Variants in PTBP2 observed in about 807,000 individuals in gnomAD.
PTBP2 encodes the protein polypyrimidine tract binding protein 2.
In PTBP2, 13 loss-of-function variants were observed where a neutral mutation model predicts 61.4. The ratio of observed to expected loss-of-function variants is 0.21; its 90% CI spans 0.14 to 0.34. The LOEUF (loss-of-function observed/expected upper bound fraction) is 0.34, where lower values mean the gene tolerates loss of function less well. Ranked by LOEUF, PTBP2 falls within the 10% of genes least tolerant of loss-of-function variation. The pLI, the probability that PTBP2 is intolerant of heterozygous loss-of-function variation, is 1.00. For missense variants in PTBP2, 405 were observed against 642.6 expected, an observed-to-expected ratio of 0.63 and a Z score of 4.00; for synonymous variants, 215 against 218.5, an observed-to-expected ratio of 0.98 and a Z score of 0.14.
chr1:96,808,298 A>G (rs1459597444), intron 11 of PTBP2, among the ~76,000 whole-genome samples: 2 of 152,112 alleles, frequency 1.3e-5, no homozygotes, highest in African/African-American at 2.4e-5. Flanking sequence ...GTTTTGAGAA[A>G]TAAAACTTTG....
At chr1:96,786,340 A>C (rs576113340) in intron 8 of PTBP2, among the ~76,000 whole-genome samples, 10 of 152,242 alleles carry the variant, frequency 6.6e-5, no homozygotes, top group African/African-American at 2.4e-4. Context: ...CTGACCCTTT[A>C]TTCGAATTTT....
downstream of PTBP2, chr1:96,815,341 C>T (rs1333780887): frequency 1.3e-5 from 2 of 152,024 alleles, no homozygotes; most frequent in Non-Finnish European, 2.9e-5. Flanking sequence ...ACAAAAAGAA[C>T]TTGATATTAC....
At chr1:96,767,550 T>C (rs762631824) in intron 3 of PTBP2, among the ~76,000 whole-genome samples, 2 of 152,140 alleles carry the variant, frequency 1.3e-5, no homozygotes, top group African/African-American at 2.4e-5. Flanking sequence ...GAACAAATTA[T>C]CAAGTTTCTG....
downstream of PTBP2, chr1:96,817,822 T>A (rs1662540277): frequency 6.6e-6 from 1 of 152,104 alleles, no homozygotes; most frequent in Admixed American, 6.6e-5. Context: ...AATTTCTTGT[T>A]TTGCCTAGTT....
At chr1:96,723,634 T>C in intron 2 of PTBP2, 40 bp downstream of exon 2, 2 of 1,523,810 alleles carry the variant, frequency 1.3e-6, no homozygotes. Context: ...TTGTTGGATC[T>C]ATTATCATAA....
intron 3 of PTBP2, among the ~76,000 whole-genome samples, chr1:96,764,290 G>GGTTCCTTCA (rs1485046661): frequency 6.6e-6 from 1 of 152,126 alleles, no homozygotes; most frequent in African/African-American, 2.4e-5. Context: ...CTAATGAATT[G>GGTTCCTTCA]GTTCCTTCAA....
rs149800406 is a variant in PTBP2, at chr1:96,734,341, T to C, written c.39+10747T>C. Among the ~76,000 whole-genome samples the C allele has an allele frequency of 5.8e-3, 876 of 152,290 alleles. 9 individuals carry two copies. The highest frequency in any genetic ancestry group is 0.02 in the African/African-American group (832 of 41,572). On this transcript the variant is annotated intron_variant, in intron 2 of 13. Transcript: ENST00000674951. ...TCTTTAAAGAATAGGGACTCTCCTC[T>C]CCTTTTTAAAATATAATCAAAAGAC...
intron 3 of PTBP2, among the ~76,000 whole-genome samples, chr1:96,766,247 A>G (rs1656689927): frequency 6.6e-6 from 1 of 152,250 alleles, no homozygotes; most frequent in Non-Finnish European, 1.5e-5. Context: ...AGGCTTTGAA[A>G]GAGTTGAATA....
At chr1:96,751,267 G>C in intron 2 of PTBP2, 158 bp from the exon 3 acceptor site, 1 of 699,226 alleles carries the variant, frequency 1.4e-6, no homozygotes, top group South Asian at 1.5e-5. Context: ...GAGAGGGATA[G>C]ATGGGAGAGT....
intron 2 of PTBP2, among the ~76,000 whole-genome samples, chr1:96,725,973 G>C (rs1039616218): frequency 2.0e-4 from 30 of 148,904 alleles, no homozygotes; most frequent in African/African-American, 6.4e-4. Context: ...TACTCGGGAG[G>C]CTGAGGCAGG....
intron 8 of PTBP2, among the ~76,000 whole-genome samples, chr1:96,787,119 C>A: frequency 6.6e-6 from 1 of 152,152 alleles, no homozygotes; most frequent in Non-Finnish European, 1.5e-5. Flanking sequence ...CTCCCGGGTT[C>A]AAGCGATTCT....
intron 11 of PTBP2, among the ~76,000 whole-genome samples, chr1:96,811,589 G>C (rs535414669): frequency 6.6e-6 from 1 of 152,130 alleles, no homozygotes; most frequent in Admixed American, 6.5e-5. Context: ...GCTAATTTTT[G>C]TATTTTTAGT....
chr1:96,819,491 TTC>T (rs373711187), downstream of PTBP2: 35 of 152,120 alleles, frequency 2.3e-4, 1 homozygote, highest in African/African-American at 6.3e-4. Context: ...CACTGTTTAT[TTC>T]TCTGTTTTTC....
exon 14 of PTBP2, chr1:96,820,145 T>A (rs1376437534): frequency 2.0e-5 from 3 of 152,100 alleles, no homozygotes; most frequent in Admixed American, 2.0e-4. Flanking sequence ...TATGTTCACT[T>A]ATAAGGATTA....
chr1:96,802,083 C>T (rs1224349497), intron 8 of PTBP2, among the ~76,000 whole-genome samples: 6 of 149,350 alleles, frequency 4.0e-5, no homozygotes, highest in African/African-American at 9.9e-5. Flanking sequence ...TGTTGGCGGG[C>T]GCCTGTAGTC....
chr1:96,759,263 A>C (rs1332838556), intron 3 of PTBP2, among the ~76,000 whole-genome samples: 1 of 152,230 alleles, frequency 6.6e-6, no homozygotes, highest in African/African-American at 2.4e-5. Flanking sequence ...TACATTCTAA[A>C]ATTTATGTGG....
chr1:96,791,547 G>A (rs1015379553), intron 8 of PTBP2, among the ~76,000 whole-genome samples: 6 of 152,070 alleles, frequency 3.9e-5, no homozygotes, highest in African/African-American at 1.4e-4. Context: ...TTGTGATGTA[G>A]GCCATTAAGT....
rs192724536 is a variant in PTBP2, at chr1:96,730,154, A to G, written c.39+6560A>G. 2.5e-3 allele frequency among the ~76,000 whole-genome samples: 382 copies of G among 152,136 alleles called. 4 individuals carry two copies. The highest frequency in any genetic ancestry group is 3.8e-3 in the Non-Finnish European group (261 of 67,984). ...GTCTGGATTGAAGTTTATTGATTTT[A>G]TTAATCTCCAAAATACCAGCTTTTG... On this transcript the variant is annotated intron_variant, in intron 2 of 13. Coordinates refer to ENST00000674951, the MANE Select transcript of PTBP2 (RefSeq NM_021190.4).
intron 1 of PTBP2, 71 bp from the exon 2 acceptor site, chr1:96,723,493 A>G (rs1490805861): frequency 1.6e-4 from 212 of 1,340,832 alleles, no homozygotes; most frequent in Non-Finnish European, 1.8e-4. Context: ...TATCCTAAAA[A>G]GTTTTAGAGC....
Sources: gnomAD v4.1 joint callset for allele counts (sites outside exome capture counted in the v4.1 genomes callset) on GRCh38, gnomAD v4.1.1 for gene constraint, MANE v1.5 for transcripts, NCBI Gene and HGNC (gene_info 2026-07-23, HGNC 2026-07-21) for gene names.